The following TMEM272 variants were observed in gnomAD, a reference collection of about 807,000 sequenced individuals.
TMEM272 encodes transmembrane protein 272, also known as long intergenic non-protein coding RNA 282.
TMEM272 carries 8 observed loss-of-function variants against 3.7 expected under a neutral mutation model. The ratio of observed to expected loss-of-function variants is 2.17; its 90% confidence interval spans 1.27 to 3.91. TMEM272 has a LOEUF of 3.91. Among genes scored for constraint, TMEM272 ranks in the 30% most tolerant of loss-of-function variants. The pLI, the probability that TMEM272 is intolerant of heterozygous loss-of-function variation, is 0.00. For synonymous variants in TMEM272, 63 were observed against 39.8 expected (o/e 1.58, Z -2.20); for missense variants, 166 against 91.5 (o/e 1.81, Z -3.32).
At chr13:51,908,102 T>C in the TMEM272 span, 3 of 457,772 alleles carry the variant, frequency 6.6e-6, no homozygotes, top group Non-Finnish European at 1.2e-5. Flanking sequence ...CTGAGAATTA[T>C]AATTCTATTG....
chr13:51,841,388 A>G (rs944123226), intron 1 of TMEM272, among the ~76,000 whole-genome samples: 1 of 152,250 alleles, frequency 6.6e-6, no homozygotes, highest in Non-Finnish European at 1.5e-5. Flanking sequence ...TTCCTTTGAA[A>G]TGTGTTGAAC....
the TMEM272 span, among the ~76,000 whole-genome samples, chr13:51,873,938 C>T: frequency 6.6e-6 from 1 of 152,338 alleles, no homozygotes; most frequent in East Asian, 1.9e-4. Flanking sequence ...TTTTCCGTCT[C>T]ATCTGTGAAA....
the TMEM272 span, among the ~76,000 whole-genome samples, chr13:51,879,804 A>G: frequency 6.6e-6 from 1 of 152,202 alleles, no homozygotes; most frequent in Non-Finnish European, 1.5e-5. Flanking sequence ...TTTCAACAGA[A>G]TGTGGCAGGT....
In TMEM272 at chr13:51,826,437, G is replaced by T; in HGVS notation, c.118+129C>A. ...CCAAGTCATTCTGAGATGGCACATA[G>T]GTGTCTGGGAATCATCGGGCTGGCC... On this transcript the variant is annotated intron_variant, in intron 3 of 4. Transcript: ENST00000629372. 2 of 640,744 alleles carry T rather than the reference G, an allele frequency of 3.1e-6. 1 individual carries two copies. Among genetic ancestry groups the T allele is most frequent in the South Asian group, 3.5e-5 (2 of 57,398 alleles). 39.7% of individuals were successfully genotyped at this position (640,744 alleles called of 1,614,324 possible).
At chr13:51,917,892 G>A in the TMEM272 span, among the ~76,000 whole-genome samples, 4 of 152,076 alleles carry the variant, frequency 2.6e-5, no homozygotes, top group African/African-American at 7.2e-5. Context: ...CAAGAATGTC[G>A]CCCTTCTCCT....
chr13:51,847,864 G>C (rs1016244890), upstream of TMEM272, among the ~76,000 whole-genome samples: 1 of 152,156 alleles, frequency 6.6e-6, no homozygotes, highest in African/African-American at 2.4e-5. Flanking sequence ...TTCAGGAAGG[G>C]AGAAAACAAT....
chr13:51,927,451 T>C, the TMEM272 span, among the ~76,000 whole-genome samples: 7,625 of 152,278 alleles, frequency 0.05, 181 homozygotes, highest in Middle Eastern at 0.099. Context: ...TAGGAATTCA[T>C]ATCTAAAGGT....
At chr13:51,900,797 A>AT in the TMEM272 span, among the ~76,000 whole-genome samples, 7 of 152,366 alleles carry the variant, frequency 4.6e-5, no homozygotes, top group East Asian at 1.2e-3. Flanking sequence ...TGAATGATGT[A>AT]TTACTGATAC....
Position 51,813,598 on chromosome 13 carries a change from C to T in TMEM272, c.*3153G>A, listed in dbSNP as rs1270171763. Reference sequence around the variant, plus strand: ...GCACACATGCGGTTTCTCTGGCCACCGAATCAGAACCAGCTGGGCCCCACA... The same window carrying T: ...GCACACATGCGGTTTCTCTGGCCACTGAATCAGAACCAGCTGGGCCCCACA... On this transcript the variant is annotated 3_prime_UTR_variant, in exon 5 of 5. Coordinates refer to ENST00000629372, the MANE Select transcript of TMEM272 (RefSeq NM_001351003.2). 1.0e-4 allele frequency: 23 copies of T among 230,584 alleles called. No individual in the cohort carries two copies. The Admixed American group carries it at 1.2e-3, about 12-fold the overall frequency. 14.3% of individuals were successfully genotyped at this position (230,584 alleles called of 1,614,324 possible). A position where few individuals can be genotyped will look rare whatever the true frequency, so the allele number is the denominator to read the frequency against.
upstream of TMEM272, among the ~76,000 whole-genome samples, chr13:51,850,155 A>G (rs1439973168): frequency 6.6e-6 from 1 of 152,202 alleles, no homozygotes; most frequent in Non-Finnish European, 1.5e-5. Flanking sequence ...TTGAGATTGC[A>G]TTAAGTTTAT....
chr13:51,837,384 T>C (rs913615361), intron 2 of TMEM272, among the ~76,000 whole-genome samples: 1 of 152,168 alleles, frequency 6.6e-6, no homozygotes. Flanking sequence ...TGAGTTTTCA[T>C]CCTGCCAGAG....
the TMEM272 span, among the ~76,000 whole-genome samples, chr13:51,918,346 A>G: frequency 6.6e-6 from 1 of 152,192 alleles, no homozygotes; most frequent in African/African-American, 2.4e-5. Context: ...TCCCGCTTTA[A>G]AAATCTTTCT....
intron 2 of TMEM272, among the ~76,000 whole-genome samples, chr13:51,833,990 C>G (rs1305743983): frequency 6.6e-6 from 1 of 152,130 alleles, no homozygotes; most frequent in Non-Finnish European, 1.5e-5. Flanking sequence ...CCCTTCCCTG[C>G]AGTGTCCAAA....
intron 1 of TMEM272, among the ~76,000 whole-genome samples, chr13:51,842,444 C>A (rs1956271626): frequency 6.6e-6 from 1 of 152,072 alleles, no homozygotes. Context: ...GTAAGTCCAC[C>A]AGGGAGCAGA....
chr13:51,841,734 A>G (rs1044435702), intron 1 of TMEM272, among the ~76,000 whole-genome samples: 8 of 152,256 alleles, frequency 5.3e-5, no homozygotes, highest in African/African-American at 1.9e-4. Flanking sequence ...GGCAGCCAAT[A>G]GAACACACCA....
In TMEM272 at chr13:51,838,468, C is replaced by T; in HGVS notation, c.58+5G>A. The T allele has an allele frequency of 1.4e-6, 1 of 703,068 alleles. No individual in the cohort carries two copies. Among genetic ancestry groups the T allele is most frequent in the South Asian group, 1.5e-5 (1 of 67,602 alleles). The allele number at this position is 703,068 out of a possible 1,614,324, so 43.6% of individuals were successfully genotyped here. On this transcript the variant is annotated splice_donor_5th_base_variant and intron_variant, in intron 2 of 4. Transcript: ENST00000629372. ...ACCAGGGCATTTCTCAGAGTTGTGA[C>T]TCACCATTGCTGGCGATTTTAGAAA...
At chr13:51,859,158 C>T in the TMEM272 span, among the ~76,000 whole-genome samples, 2 of 149,722 alleles carry the variant, frequency 1.3e-5, no homozygotes, top group Non-Finnish European at 2.9e-5. Flanking sequence ...GCAAATAACC[C>T]TATCCTCAGG....
chr13:51,933,729 A>G, the TMEM272 span: 1 of 152,388 alleles, frequency 6.6e-6, no homozygotes, highest in South Asian at 2.1e-4. Context: ...CGCTAGTCAC[A>G]TGAATTCTCT....
At chr13:51,817,355 C>T (rs1204612679) in intron 4 of TMEM272, among the ~76,000 whole-genome samples, 1 of 152,216 alleles carries the variant, frequency 6.6e-6, no homozygotes, top group Admixed American at 6.5e-5. Flanking sequence ...CCAGCATCCT[C>T]AGTGGTGTTT....
Sources: allele counts gnomAD v4.1 joint callset (sites outside exome capture counted in the v4.1 genomes callset), GRCh38; gene constraint gnomAD v4.1.1; transcripts MANE v1.5; gene names NCBI Gene and HGNC (gene_info 2026-07-23, HGNC 2026-07-21).